Variants in ERCC6 observed in about 807,000 individuals in gnomAD.
ERCC6 encodes ERCC excision repair 6, chromatin remodeling factor.
Under a neutral mutation model 158.7 loss-of-function variants are expected in ERCC6, and 116 were observed. That is an observed-to-expected ratio of 0.73 (90% CI 0.63 to 0.85). ERCC6 has a LOEUF of 0.85. Among genes scored for constraint, ERCC6 ranks in the 40% least tolerant of loss-of-function variants. The probability of loss-of-function intolerance (pLI) is 0.00; values close to 1 mark genes in which losing one functional copy is unlikely to be tolerated. For missense variants in ERCC6, 1,698 were observed against 1,799.4 expected (o/e 0.94, Z 1.02); for synonymous variants, 678 against 659.3 (o/e 1.03, Z -0.43).
rs984218053 is a variant in ERCC6 at position 49,524,791 on chromosome 10, A to G, written c.653-14T>C. 6.3e-7 allele frequency: 1 copy of G among 1,599,902 alleles called. No individual in the cohort carries two copies. Among genetic ancestry groups the G allele is most frequent in the African/African-American group, 1.3e-5 (1 of 75,044 alleles). Reference sequence around the variant, plus strand: ...ATGGCCCCGGCTCTGAAAGAACAATAGCAATGCGTTTCGCACTAGCATGAA... The same window carrying G: ...ATGGCCCCGGCTCTGAAAGAACAATGGCAATGCGTTTCGCACTAGCATGAA... On this transcript the variant is annotated splice_polypyrimidine_tract_variant and intron_variant, in intron 4 of 20. Transcript: ENST00000355832.
intron 19 of ERCC6, among the ~76,000 whole-genome samples, 161 bp downstream of exon 19, chr10:49,461,191 C>G (rs1190027760): frequency 6.6e-6 from 1 of 152,214 alleles, no homozygotes; most frequent in Non-Finnish European, 1.5e-5. Context: ...AAAGTTATAA[C>G]AGTATTTCTC....
rs1360673601 is a variant in ERCC6, at chr10:49,524,019, C to T, written c.1397+14G>A. On this transcript the variant is annotated intron_variant, in intron 5 of 20. Coordinates refer to ENST00000355832, the MANE Select transcript of ERCC6 (RefSeq NM_000124.4). ...GCAAACAGTACAATGTATTTATAAT[C>T]CCCACAGACCGACCTTAACCGCTGC... The T allele has an allele frequency of 6.2e-7, 1 of 1,612,276 alleles. No individual in the cohort carries two copies. The highest frequency in any genetic ancestry group is 1.3e-5 in the African/African-American group (1 of 74,772).
In ERCC6 at chr10:49,460,279, G is replaced by A; in HGVS notation, c.4062+94C>T. The A allele has an allele frequency of 7.0e-6, 6 of 861,366 alleles. No individual in the cohort carries two copies. In the Admixed American group the frequency reaches 8.8e-5, roughly 13 times the overall value. 53.4% of individuals were successfully genotyped at this position (861,366 alleles called of 1,614,324 possible). A position where few individuals can be genotyped will look rare whatever the true frequency, so the allele number is the denominator to read the frequency against. ...TATCAGGTGTCATTACACCAGAGATGACCATTTTCTTCACATCCAGAATCA... is the reference window on the plus strand; with the variant it reads ...TATCAGGTGTCATTACACCAGAGATAACCATTTTCTTCACATCCAGAATCA... On this transcript the variant is annotated intron_variant, in intron 20 of 20. Transcript: ENST00000355832.
intron 5 of ERCC6, among the ~76,000 whole-genome samples, chr10:49,518,528 T>C (rs1837053694): frequency 6.6e-6 from 1 of 152,184 alleles, no homozygotes; most frequent in Admixed American, 6.5e-5. Flanking sequence ...CATTCAAACA[T>C]GTCAGCCATC....
At chr10:49,438,511 C>T in the ERCC6 span, among the ~76,000 whole-genome samples, 1 of 152,148 alleles carries the variant, frequency 6.6e-6, no homozygotes, top group Non-Finnish European at 1.5e-5. Context: ...TCCCACAGCA[C>T]ATGGGAATTC....
At chr10:49,509,792 A>C (rs1851503775) in intron 5 of ERCC6, among the ~76,000 whole-genome samples, 1 of 152,222 alleles carries the variant, frequency 6.6e-6, no homozygotes, top group African/African-American at 2.4e-5. Context: ...GGGGGCAGTA[A>C]ATAGTCCAAT....
rs193265322 is a variant in ERCC6 at position 49,538,689 on chromosome 10, G to A, written c.-15+273C>T. Among the ~76,000 whole-genome samples, 3 of 152,352 alleles carry A rather than the reference G, an allele frequency of 2.0e-5. No homozygotes were observed. In the East Asian group the frequency reaches 5.8e-4, roughly 29 times the overall value. On this transcript the variant is annotated intron_variant, in intron 1 of 20. Coordinates refer to ENST00000355832, the MANE Select transcript of ERCC6 (RefSeq NM_000124.4). ...AAGGACCCAGCTGACCCTGCGCGCA[G>A]GGGGCCTTATACAAAGTCGGAGAAG...
intron 8 of ERCC6, among the ~76,000 whole-genome samples, chr10:49,486,426 A>C (rs1312537077): frequency 6.6e-6 from 1 of 152,214 alleles, no homozygotes; most frequent in Non-Finnish European, 1.5e-5. Flanking sequence ...TGAGAGAATT[A>C]GTAAGATAAA....
intron 5 of ERCC6, chr10:49,515,282 G>A (rs773909779): frequency 1.9e-6 from 3 of 1,557,980 alleles, no homozygotes; most frequent in Non-Finnish European, 8.7e-7. Flanking sequence ...CTGCTACACT[G>A]TACATAATGT....
intron 7 of ERCC6, among the ~76,000 whole-genome samples, chr10:49,500,242 C>T (rs1282468792): frequency 6.6e-6 from 1 of 151,806 alleles, no homozygotes; most frequent in African/African-American, 2.4e-5. Context: ...GTAAACAATC[C>T]CTTTGTAGAA....
chr10:49,533,822 A>T (rs1053440240), intron 1 of ERCC6, among the ~76,000 whole-genome samples: 3 of 152,060 alleles, frequency 2.0e-5, no homozygotes, highest in African/African-American at 4.8e-5. Context: ...AAGTTTTTTT[A>T]AAAGATTAAT....
chr10:49,512,997 CCTT>C (rs2132591736), intron 5 of ERCC6, among the ~76,000 whole-genome samples: 1 of 152,340 alleles, frequency 6.6e-6, no homozygotes, highest in Non-Finnish European at 1.5e-5. Flanking sequence ...TATACACCCT[CCTT>C]CACGGTTCTC....
At position 49,467,692 on chromosome 10, in the gene ERCC6, A is replaced by G. The variant is rs183015636; in HGVS notation, c.3778+2490T>C. Among the ~76,000 whole-genome samples the G allele has an allele frequency of 2.0e-4, 30 of 152,020 alleles. No individual in the cohort carries two copies. The East Asian group carries it at 5.6e-3, about 28-fold the overall frequency. ...GCAATCCTCCCAGCTCAGCCTCGCA[A>G]GTAGCTGGGACCACAGGTGTATGCT... On this transcript the variant is annotated intron_variant, in intron 18 of 20. Transcript: ENST00000355832.
intron 20 of ERCC6, 78 bp from the exon 21 acceptor site, chr10:49,459,312 G>A (rs1223610444): frequency 3.3e-6 from 5 of 1,510,416 alleles, no homozygotes; most frequent in African/African-American, 1.4e-5. Flanking sequence ...AGGCTGTGAA[G>A]GGTCACAAGA....
chr10:49,463,045 G>C (rs1217043804), intron 18 of ERCC6, among the ~76,000 whole-genome samples: 2 of 152,190 alleles, frequency 1.3e-5, no homozygotes, highest in East Asian at 3.8e-4. Context: ...TGGATAAACT[G>C]TGGTACAGGT....
intron 5 of ERCC6, chr10:49,515,783 C>G (rs1332725935): frequency 6.2e-7 from 1 of 1,614,146 alleles, no homozygotes. Flanking sequence ...GAACTTGTAT[C>G]TTCTTTTTCA....
At chr10:49,483,559 G>A (rs777045356) in intron 8 of ERCC6, 43 bp from the exon 9 acceptor site, 3 of 1,575,726 alleles carry the variant, frequency 1.9e-6, no homozygotes, top group South Asian at 1.1e-5. Context: ...TAAATAAGAA[G>A]TGACACCCTT....
intron 8 of ERCC6, among the ~76,000 whole-genome samples, chr10:49,487,211 A>G (rs998652555): frequency 2.6e-5 from 4 of 152,238 alleles, no homozygotes; most frequent in Non-Finnish European, 5.9e-5. Context: ...GTCTTCTCAT[A>G]TGTTGTAATT....
intron 11 of ERCC6, 71 bp downstream of exon 11, chr10:49,478,280 AGAG>A (rs1457629654): frequency 9.6e-7 from 1 of 1,037,790 alleles, no homozygotes; most frequent in South Asian, 1.3e-5. Context: ...TCTCATCCGC[AGAG>A]GAGAATCAGA....
Sources: gnomAD v4.1 joint callset for allele counts (sites outside exome capture counted in the v4.1 genomes callset) on GRCh38, gnomAD v4.1.1 for gene constraint, MANE v1.5 for transcripts, NCBI Gene and HGNC (gene_info 2026-07-23, HGNC 2026-07-21) for gene names.